Variants in PRDM1 observed in about 807,000 individuals in gnomAD.
PRDM1 encodes the protein PR/SET domain 1.
A neutral mutation model predicts 62.8 loss-of-function variants in PRDM1; 13 were observed. The ratio of observed to expected loss-of-function variants is 0.21; its 90% CI spans 0.13 to 0.33. The LOEUF (loss-of-function observed/expected upper bound fraction) is 0.33. PRDM1 is among the 10% of genes least tolerant of loss of function. PRDM1 has a pLI of 1.00. For missense variants in PRDM1, 895 were observed against 1,058.8 expected, an observed-to-expected ratio of 0.85 and a Z score of 2.15; for synonymous variants, 396 against 417.6, an observed-to-expected ratio of 0.95 and a Z score of 0.63.
intron 1 of PRDM1, among the ~76,000 whole-genome samples, chr6:106,008,773 T>C (rs1347010803): frequency 6.6e-6 from 1 of 152,180 alleles, no homozygotes; most frequent in Admixed American, 6.5e-5. Context: ...TTTCCCCTGA[T>C]GCTTTGTCTA....
intron 1 of PRDM1, among the ~76,000 whole-genome samples, chr6:106,049,532 G>A (rs1444748399): frequency 1.3e-5 from 2 of 152,120 alleles, no homozygotes; most frequent in African/African-American, 2.4e-5. Flanking sequence ...GTCCAGCTGT[G>A]GCTGCTGGGA....
At chr6:106,081,196 C>T (rs1473287012) in intron 1 of PRDM1, among the ~76,000 whole-genome samples, 2 of 152,148 alleles carry the variant, frequency 1.3e-5, no homozygotes, top group Admixed American at 6.5e-5. Flanking sequence ...AACTCAGACA[C>T]GAATTTGGTT....
intron 1 of PRDM1, among the ~76,000 whole-genome samples, chr6:106,077,008 A>G (rs9398062): frequency 0.071 from 10,814 of 152,286 alleles, 536 homozygotes; most frequent in East Asian, 0.16. Context: ...AATCTATTAC[A>G]TTTGTTTTTA....
At chr6:106,054,494 G>A (rs1395820699) in intron 1 of PRDM1, among the ~76,000 whole-genome samples, 1 of 152,068 alleles carries the variant, frequency 6.6e-6, no homozygotes, top group East Asian at 1.9e-4. Context: ...TTAAGAATAT[G>A]TCAAGTATTC....
At chr6:106,011,881 C>T (rs1582425169) in intron 1 of PRDM1, among the ~76,000 whole-genome samples, 1 of 151,900 alleles carries the variant, frequency 6.6e-6, no homozygotes, top group Non-Finnish European at 1.5e-5. Context: ...AGCAGACACA[C>T]ACCACACCCC....
chr6:106,024,843 G>A (rs188910705), intron 1 of PRDM1, among the ~76,000 whole-genome samples: 34 of 152,186 alleles, frequency 2.2e-4, no homozygotes, highest in Middle Eastern at 3.4e-3. Context: ...CATCAGATTT[G>A]AAATTAAAAT....
chr6:106,030,031 C>T (rs1210976274), intron 1 of PRDM1, among the ~76,000 whole-genome samples: 1 of 152,192 alleles, frequency 6.6e-6, no homozygotes, highest in African/African-American at 2.4e-5. Flanking sequence ...TACTATTTTG[C>T]ACATTTAGAA....
chr6:106,042,664 C>A (rs1773020347), intron 1 of PRDM1, among the ~76,000 whole-genome samples: 2 of 152,096 alleles, frequency 1.3e-5, no homozygotes, highest in Non-Finnish European at 2.9e-5. Context: ...CTTCTGGAGA[C>A]AAATTCTTCT....
chr6:106,098,832 G>A, intron 3 of PRDM1: 1 of 1,527,050 alleles, frequency 6.5e-7, no homozygotes, highest in Non-Finnish European at 8.8e-7. Flanking sequence ...GAAACGGCGA[G>A]TACAGAGGCC....
chr6:106,095,054 AACACACAC>A (rs369840258), intron 2 of PRDM1, among the ~76,000 whole-genome samples: 1 of 149,816 alleles, frequency 6.7e-6, no homozygotes, highest in Non-Finnish European at 1.5e-5. Flanking sequence ...AAAAAAAAAA[AACACACAC>A]ACACACACAA....
intron 1 of PRDM1, among the ~76,000 whole-genome samples, chr6:106,087,164 GT>G (rs1773831464): frequency 6.6e-6 from 1 of 152,112 alleles, no homozygotes; most frequent in African/African-American, 2.4e-5. Flanking sequence ...TACAGAAGTT[GT>G]TTACCTTTTT....
intron 1 of PRDM1, among the ~76,000 whole-genome samples, chr6:106,065,660 T>C (rs1773421349): frequency 6.6e-6 from 1 of 152,228 alleles, no homozygotes; most frequent in Non-Finnish European, 1.5e-5. Flanking sequence ...CAATAATATA[T>C]AAATATAGAA....
chr6:106,080,353 G>A (rs1773676000), intron 1 of PRDM1, among the ~76,000 whole-genome samples: 2 of 152,146 alleles, frequency 1.3e-5, no homozygotes, highest in Non-Finnish European at 2.9e-5. Flanking sequence ...ACCGATTAGT[G>A]AACTGTCTGA....
Position 106,086,437 on chromosome 6 carries a change from C to G in PRDM1, c.-117C>G, listed in dbSNP as rs1454088394. 28 of 985,696 alleles carry G rather than the reference C, an allele frequency of 2.8e-5. No homozygotes were observed. Among genetic ancestry groups the G allele is most frequent in the Non-Finnish European group, 3.8e-5 (25 of 665,068 alleles). 61.1% of individuals were successfully genotyped at this position (985,696 alleles called of 1,614,324 possible). On this transcript the variant is annotated 5_prime_UTR_variant, in exon 1 of 7. Coordinates refer to ENST00000369096, the MANE Select transcript of PRDM1 (RefSeq NM_001198.4). ...TCCGCCCGGAGCTGGGACGCGGGCG[C>G]CCGGGCGGCCGGACGAAGCGAGGAG...
At chr6:106,095,905 G>GAAAT in intron 3 of PRDM1, 171 bp downstream of exon 3, 1 of 696,118 alleles carries the variant, frequency 1.4e-6, no homozygotes, top group Admixed American at 3.0e-5. Flanking sequence ...TGAAACCGAT[G>GAAAT]AAATGTCTGG....
rs2114662242 is a variant in PRDM1, at chr6:106,107,014, C to G, written c.2006C>G (p.Thr669Ser). The change falls in exon 7 of 7, where the codon ACC (threonine) becomes AGC (serine). Residue 669 changes from threonine (T) to serine (S), a missense_variant. Transcript: ENST00000369096. The stretch of plus-strand genomic sequence containing the variant: ...TGCAAGGTGTGCCCTGCCAAGTTCA[C>G]CCAGTTTGTGCACCTGAAACTGCAC... ...YQCKVCPAKF[T>S]QFVHLKLHKR... The G allele has an allele frequency of 6.2e-7, 1 of 1,614,200 alleles. No individual in the cohort carries two copies. Among genetic ancestry groups the G allele is most frequent in the Admixed American group, 1.7e-5 (1 of 60,030 alleles).
intron 1 of PRDM1, among the ~76,000 whole-genome samples, chr6:106,069,181 C>T (rs1773475805): frequency 1.3e-5 from 2 of 152,132 alleles, no homozygotes; most frequent in African/African-American, 2.4e-5. Flanking sequence ...AGGGTCCAAT[C>T]AATTACAAAA....
At chr6:106,085,191 T>C (rs541627387), upstream of PRDM1, among the ~76,000 whole-genome samples, 332 of 152,146 alleles carry the variant, frequency 2.2e-3, 1 homozygote, top group Middle Eastern at 0.01. Flanking sequence ...GGTGTGTGTA[T>C]GTGGGTGTGT....
intron 1 of PRDM1, among the ~76,000 whole-genome samples, chr6:106,056,240 G>A (rs1011596128): frequency 1.3e-5 from 2 of 152,110 alleles, no homozygotes; most frequent in Non-Finnish European, 2.9e-5. Flanking sequence ...TGTCCTGCAA[G>A]TGAGCCCTCA....
Sources: allele counts gnomAD v4.1 joint callset (sites outside exome capture counted in the v4.1 genomes callset), GRCh38; gene constraint gnomAD v4.1.1; transcripts MANE v1.5; gene names NCBI Gene and HGNC (gene_info 2026-07-23, HGNC 2026-07-21).